The following DPYD variants were observed in gnomAD, a reference collection of about 807,000 sequenced individuals.
DPYD encodes dihydropyrimidine dehydrogenase.
A neutral mutation model predicts 116.2 loss-of-function variants in DPYD; 109 were observed. The observed-to-expected ratio is 0.94, with a 90% CI of 0.80 to 1.10. The LOEUF (loss-of-function observed/expected upper bound fraction) is 1.10. Among genes scored for constraint, DPYD ranks in the 50% least tolerant of loss-of-function variants. DPYD has a pLI of 0.00. For synonymous variants in DPYD, 440 were observed against 432.0 expected (o/e 1.02, Z -0.23); for missense variants, 1,302 against 1,254.5 (o/e 1.04, Z -0.57).
At chr1:97,218,506 G>A (rs1199553836) in intron 19 of DPYD, among the ~76,000 whole-genome samples, 4 of 151,136 alleles carry the variant, frequency 2.6e-5, no homozygotes, top group South Asian at 2.1e-4. Flanking sequence ...AGTCATTCCC[G>A]TCTAGCTACT....
At chr1:97,346,069 A>G (rs1484751919) in intron 16 of DPYD, among the ~76,000 whole-genome samples, 1 of 151,858 alleles carries the variant, frequency 6.6e-6, no homozygotes, top group Non-Finnish European at 1.5e-5. Context: ...TTATATCTCC[A>G]AAGAACATAT....
intron 3 of DPYD, among the ~76,000 whole-genome samples, chr1:97,798,733 CTTG>C (rs1347598507): frequency 1.3e-5 from 2 of 151,664 alleles, no homozygotes; most frequent in Non-Finnish European, 2.9e-5. Flanking sequence ...CAAAATAAAG[CTTG>C]TTGTTATTGT....
At chr1:97,284,593 T>G (rs1370197072) in intron 18 of DPYD, among the ~76,000 whole-genome samples, 2 of 152,118 alleles carry the variant, frequency 1.3e-5, no homozygotes, top group Non-Finnish European at 2.9e-5. Flanking sequence ...GCTAGTCAAT[T>G]TTTTAAAGCA....
At chr1:97,788,965 G>A (rs1448738233) in intron 3 of DPYD, among the ~76,000 whole-genome samples, 6 of 151,928 alleles carry the variant, frequency 3.9e-5, no homozygotes, top group South Asian at 2.1e-4. Flanking sequence ...CACCATGCCC[G>A]GCTAATTTTT....
intron 14 of DPYD, among the ~76,000 whole-genome samples, chr1:97,425,369 A>T (rs1334810971): frequency 6.6e-6 from 1 of 152,112 alleles, no homozygotes; most frequent in Non-Finnish European, 1.5e-5. Flanking sequence ...TCAGCATAAC[A>T]TTATAAAGGC....
intron 3 of DPYD, among the ~76,000 whole-genome samples, chr1:97,824,905 T>C (rs933388504): frequency 6.6e-6 from 1 of 152,096 alleles, no homozygotes; most frequent in Admixed American, 6.6e-5. Context: ...TACTAACAAG[T>C]CTCAAATGCG....
chr1:97,433,322 G>A lies in DPYD; in HGVS notation c.1905+16737C>T, dbSNP rs978670651. ...TGGTTGATGAGTGCAGAGATGGTCC[G>A]TGCCTGGGCTTCTTGGGGTTCTCAC... On this transcript the variant is annotated intron_variant, in intron 14 of 22. Coordinates refer to ENST00000370192, the MANE Select transcript of DPYD (RefSeq NM_000110.4). Among the ~76,000 whole-genome samples the A allele has an allele frequency of 5.3e-5, 8 of 152,100 alleles. No individual in the cohort carries two copies. The South Asian group carries it at 1.0e-3, about 20-fold the overall frequency.
chr1:97,157,034 G>A (rs1392512134), intron 20 of DPYD, among the ~76,000 whole-genome samples: 8 of 144,682 alleles, frequency 5.5e-5, no homozygotes, highest in African/African-American at 1.0e-4. Flanking sequence ...ACCAAACACC[G>A]CATATTCTCA....
At chr1:97,126,672 C>T (rs1652867100) in intron 20 of DPYD, among the ~76,000 whole-genome samples, 1 of 152,102 alleles carries the variant, frequency 6.6e-6, no homozygotes, top group Non-Finnish European at 1.5e-5. Context: ...CCTGACTTTC[C>T]CTCAGGCCTA....
intron 16 of DPYD, 122 bp from the exon 17 acceptor site, chr1:97,306,419 AT>A (rs1377576733): frequency 3.0e-6 from 4 of 1,316,766 alleles, no homozygotes; most frequent in Non-Finnish European, 4.3e-6. Flanking sequence ...GAGCTACATG[AT>A]ATATTTCTCA....
At chr1:97,175,638 C>G (rs1334066416) in intron 20 of DPYD, among the ~76,000 whole-genome samples, 1 of 152,126 alleles carries the variant, frequency 6.6e-6, no homozygotes, top group Admixed American at 6.6e-5. Flanking sequence ...GGGAGTGGGT[C>G]TAGAGAATGT....
intron 12 of DPYD, among the ~76,000 whole-genome samples, chr1:97,541,379 T>C (rs1650442527): frequency 6.6e-6 from 1 of 152,200 alleles, no homozygotes; most frequent in Admixed American, 6.5e-5. Context: ...AAATTAGGTG[T>C]TGGTCAAACC....
intron 13 of DPYD, among the ~76,000 whole-genome samples, chr1:97,512,131 C>T (rs1019944012): frequency 2.6e-5 from 4 of 151,810 alleles, no homozygotes; most frequent in East Asian, 1.9e-4. Context: ...ATTTATCCAG[C>T]GAATATTTAT....
chr1:97,528,084 T>C (rs1649287101), intron 12 of DPYD, among the ~76,000 whole-genome samples: 1 of 152,146 alleles, frequency 6.6e-6, no homozygotes, highest in South Asian at 2.1e-4. Context: ...ACAGACTGGA[T>C]TAATGCATTA....
intron 3 of DPYD, among the ~76,000 whole-genome samples, chr1:97,776,447 G>C (rs1187780281): frequency 6.6e-6 from 1 of 152,184 alleles, no homozygotes; most frequent in Non-Finnish European, 1.5e-5. Context: ...ATAGTGCGTA[G>C]TAGTTGCAGG....
intron 12 of DPYD, among the ~76,000 whole-genome samples, chr1:97,543,539 C>G (rs922396312): frequency 6.6e-6 from 1 of 152,114 alleles, no homozygotes; most frequent in South Asian, 2.1e-4. Flanking sequence ...TTAAAATAAG[C>G]TATTCAATGT....
At chr1:97,274,734 C>A (rs756394797) in intron 18 of DPYD, among the ~76,000 whole-genome samples, 2 of 152,108 alleles carry the variant, frequency 1.3e-5, no homozygotes, top group Non-Finnish European at 2.9e-5. Flanking sequence ...TTTGCACCAA[C>A]ATAATATGTT....
chr1:97,781,775 G>C (rs1407887360), intron 3 of DPYD, among the ~76,000 whole-genome samples: 1 of 152,242 alleles, frequency 6.6e-6, no homozygotes, highest in African/African-American at 2.4e-5. Context: ...ATTTTAACAA[G>C]TCAACTCACA....
At chr1:97,745,740 A>G (rs1343253384) in intron 3 of DPYD, among the ~76,000 whole-genome samples, 1 of 152,110 alleles carries the variant, frequency 6.6e-6, no homozygotes, top group Non-Finnish European at 1.5e-5. Flanking sequence ...GGCTCCAGTC[A>G]TCTCCCGTAA....
Sources: gnomAD v4.1 joint callset for allele counts (sites outside exome capture counted in the v4.1 genomes callset) on GRCh38, gnomAD v4.1.1 for gene constraint, MANE v1.5 for transcripts, NCBI Gene and HGNC (gene_info 2026-07-23, HGNC 2026-07-21) for gene names.